MIA3: variants seen among roughly 807,000 people sequenced by gnomAD.
MIA3 encodes the protein MIA SH3 domain ER export factor 3, also known as transport and Golgi organization protein 1 homolog.
MIA3 carries 90 observed loss-of-function variants against 192.4 expected under a neutral mutation model. The ratio of observed to expected loss-of-function variants is 0.47; its 90% CI spans 0.39 to 0.56. The LOEUF (loss-of-function observed/expected upper bound fraction) is 0.56. MIA3 is among the 20% of genes least tolerant of loss of function. The pLI is 0.00. For missense variants in MIA3, 2,123 were observed against 2,269.4 expected, an observed-to-expected ratio of 0.94 and a Z score of 1.31; for synonymous variants, 740 against 792.8, an observed-to-expected ratio of 0.93 and a Z score of 1.12.
At position 222,654,309 on chromosome 1, in the gene MIA3, T is replaced by G; in HGVS notation, c.4377+11T>G. 1 of 1,613,862 alleles carries G rather than the reference T, an allele frequency of 6.2e-7. No homozygotes were observed. Among genetic ancestry groups the G allele is most frequent in the Non-Finnish European group, 8.5e-7 (1 of 1,179,826 alleles). On this transcript the variant is annotated intron_variant, in intron 16 of 27. Coordinates refer to ENST00000344922, the MANE Select transcript of MIA3 (RefSeq NM_198551.4). The stretch of plus-strand genomic sequence containing the variant: ...ATGGATGTCTCTCGGGTATAATCGT[T>G]TTTAGAGTCCCATAATTGCCTGTGA...
intron 5 of MIA3, 97 bp downstream of exon 5, chr1:222,632,423 A>G (rs961800852): frequency 9.0e-7 from 1 of 1,105,708 alleles, no homozygotes; most frequent in Non-Finnish European, 1.3e-6. Context: ...GACTTGTTAA[A>G]TTCAAAGGAA....
At position 222,660,196 on chromosome 1, in the gene MIA3, C is replaced by T. The variant is rs2291835; in HGVS notation, c.4995C>T (p.Gly1665=). The T allele has an allele frequency of 6.2e-7, 1 of 1,612,292 alleles. No individual in the cohort carries two copies. The highest frequency in any genetic ancestry group is 1.3e-5 in the African/African-American group (1 of 74,920). Residue 1665 remains glycine, a synonymous_variant, in exon 24 of 28, where the codon GGC becomes GGT. Transcript: ENST00000344922. ...PPRRGPLSQN[G]SFGPSPVSGG... ...CTTTAGGTCCTCTGAGCCAGAATGG[C>T]TCTTTTGGCCCATCCCCTGTGAGTG...
At chr1:222,620,827 C>CT (rs139063246) in intron 1 of MIA3, among the ~76,000 whole-genome samples, 3,270 of 152,268 alleles carry the variant, frequency 0.021, 117 homozygotes, top group African/African-American at 0.075. Flanking sequence ...AGATTGAGGA[C>CT]TAGAAGGTTA....
At chr1:222,644,308 G>T in intron 6 of MIA3, 1 of 1,435,670 alleles carries the variant, frequency 7.0e-7, no homozygotes, top group Non-Finnish European at 9.2e-7. Flanking sequence ...CTGATGACGT[G>T]TTTTATAGGC....
intron 11 of MIA3, among the ~76,000 whole-genome samples, chr1:222,651,772 G>A (rs1663448875): frequency 6.6e-6 from 1 of 152,052 alleles, no homozygotes; most frequent in African/African-American, 2.4e-5. Flanking sequence ...TGTATGCTGT[G>A]AAATATTTAT....
intron 6 of MIA3, among the ~76,000 whole-genome samples, chr1:222,642,556 A>G (rs1662910521): frequency 6.6e-6 from 1 of 152,168 alleles, no homozygotes; most frequent in Non-Finnish European, 1.5e-5. Flanking sequence ...TATCCCCAGT[A>G]TCTTTGAGAT....
At chr1:222,635,509 A>G (rs924792005) in intron 6 of MIA3, among the ~76,000 whole-genome samples, 2 of 152,216 alleles carry the variant, frequency 1.3e-5, no homozygotes, top group African/African-American at 4.8e-5. Context: ...CTAGGAATAC[A>G]AGATTCCAAG....
In MIA3 at chr1:222,658,735, G is replaced by A. The variant is rs1306819584; in HGVS notation, c.4621G>A (p.Glu1541Lys). 1 of 1,609,902 alleles carries A rather than the reference G, an allele frequency of 6.2e-7. No homozygotes were observed. The highest frequency in any genetic ancestry group is 1.1e-5 in the South Asian group (1 of 90,402). ...GTTTTATCTTAGGAAACTGAGTCAA[G>A]AAGAGTATGAACGGCAAGAAAGAGA... The part of the protein sequence containing the change: ...EMALQKKLSQ[E>K]EYERQEREHR... The change falls in exon 19 of 28, where the codon GAA becomes AAA. Residue 1541 changes from glutamate (E) to lysine (K), a missense_variant. Glu to Lys is a moderately conservative substitution (Grantham distance 56). Transcript: ENST00000344922.
chr1:222,665,218 A>G, intron 27 of MIA3, 91 bp from the exon 28 acceptor site: 3 of 917,188 alleles, frequency 3.3e-6, no homozygotes, highest in Non-Finnish European at 1.6e-6. Flanking sequence ...AAAAAAAAAA[A>G]AAAGGATGAC....
Position 222,628,831 on chromosome 1 carries a change from A to C in MIA3, c.1611A>C (p.Lys537Asn), listed in dbSNP as rs755024312. The change falls in exon 4 of 28, where the codon AAA becomes AAC. Residue 537 changes from lysine to asparagine, a missense_variant. By Grantham distance (94) the Lys-to-Asn change is moderately conservative. Coordinates refer to ENST00000344922, the MANE Select transcript of MIA3 (RefSeq NM_198551.4). The stretch of plus-strand genomic sequence containing the variant: ...AAGGAGCAGCTATTCATATCTCAAA[A>C]GGAATGCTCCACGAAGAAAAGCCTG... ...DLKGAAIHIS[K>N]GMLHEEKPGE... 11 of 1,614,064 alleles carry C rather than the reference A, an allele frequency of 6.8e-6. No individual in the cohort carries two copies. Among genetic ancestry groups the C allele is most frequent in the Non-Finnish European group, 9.3e-6 (11 of 1,180,046 alleles).
Position 222,651,921 on chromosome 1 carries a change from C to G in MIA3, c.3910-56C>G. The G allele has an allele frequency of 3.2e-6, 3 of 936,542 alleles. No homozygotes were observed. The South Asian group carries it at 3.9e-5, about 12-fold the overall frequency. The allele number at this position is 936,542 out of a possible 1,614,324, so 58.0% of individuals were successfully genotyped here. A position where few individuals can be genotyped will look rare whatever the true frequency, so the allele number is the denominator to read the frequency against. Reference sequence around the variant, plus strand: ...ATGTTTCTTCTTCTTAGTATGTATCCCAGTGTTTCTACTAAAATCCTAATA... The same window carrying G: ...ATGTTTCTTCTTCTTAGTATGTATCGCAGTGTTTCTACTAAAATCCTAATA... On this transcript the variant is annotated intron_variant, in intron 11 of 27. Coordinates refer to ENST00000344922, the MANE Select transcript of MIA3 (RefSeq NM_198551.4).
At chr1:222,652,638 T>TA (rs1216853276) in intron 13 of MIA3, among the ~76,000 whole-genome samples, 1 of 152,208 alleles carries the variant, frequency 6.6e-6, no homozygotes, top group Non-Finnish European at 1.5e-5. Context: ...ACCCAAGAGT[T>TA]AGATATTTTA....
intron 6 of MIA3, among the ~76,000 whole-genome samples, chr1:222,634,443 C>G (rs1301892862): frequency 2.6e-5 from 4 of 152,116 alleles, no homozygotes; most frequent in Non-Finnish European, 5.9e-5. Context: ...TGGCAGAGAT[C>G]CTTGGAAGAT....
chr1:222,655,110 T>C (rs1030620941), intron 18 of MIA3, among the ~76,000 whole-genome samples: 3 of 152,278 alleles, frequency 2.0e-5, no homozygotes, highest in Admixed American at 6.5e-5. Flanking sequence ...TGTTTCACTT[T>C]CCTTTCTTTG....
rs1387538991 is a variant in MIA3, at chr1:222,652,023, C to T, written c.3956C>T (p.Ser1319Leu). 6.4e-7 allele frequency: 1 copy of T among 1,574,206 alleles called. No homozygotes were observed. The highest frequency in any genetic ancestry group is 8.7e-7 in the Non-Finnish European group (1 of 1,143,866). Residue 1319 changes from serine to leucine, a missense_variant, in exon 12 of 28, where the codon TCA becomes TTA. Physicochemically the swap from Ser to Leu is moderately radical, Grantham distance 145. Coordinates refer to ENST00000344922, the MANE Select transcript of MIA3 (RefSeq NM_198551.4). ...KSIEKLKDVI[S>L]MNASEFSEVQ... ...ATAGAGAAGTTAAAGGATGTTATTT[C>T]AATGAATGCCTCAGAATTTTCAGAG...
At chr1:222,641,770 A>G (rs1029637880) in intron 6 of MIA3, 23 of 558,872 alleles carry the variant, frequency 4.1e-5, no homozygotes, top group East Asian at 3.4e-4. Context: ...GAGCTGGGCA[A>G]TGGAGGTGGA....
At chr1:222,636,417 C>T (rs1662625210) in intron 6 of MIA3, among the ~76,000 whole-genome samples, 1 of 152,014 alleles carries the variant, frequency 6.6e-6, no homozygotes, top group Admixed American at 6.5e-5. Flanking sequence ...GAATCTTACC[C>T]TACACAGGAG....
At chr1:222,652,840 G>T (rs759875025) in intron 13 of MIA3, among the ~76,000 whole-genome samples, 168 bp from the exon 14 acceptor site, 1 of 152,188 alleles carries the variant, frequency 6.6e-6, no homozygotes, top group Non-Finnish European at 1.5e-5. Flanking sequence ...TCTCACTACA[G>T]CTCTGAGGGT....
At chr1:222,659,537 T>C (rs761584452) in intron 20 of MIA3, 24 bp downstream of exon 20, 24 of 1,611,918 alleles carry the variant, frequency 1.5e-5, no homozygotes, top group Non-Finnish European at 2.0e-5. Context: ...TGCCCTACTA[T>C]ATAGTGCCCG....
Sources: allele counts gnomAD v4.1 joint callset (sites outside exome capture counted in the v4.1 genomes callset), GRCh38; gene constraint gnomAD v4.1.1; transcripts MANE v1.5; gene names NCBI Gene and HGNC (gene_info 2026-07-23, HGNC 2026-07-21).